KIF21B: variants seen among roughly 807,000 people sequenced by gnomAD.
KIF21B encodes kinesin-like protein KIF21B.
A neutral mutation model predicts 192.9 loss-of-function variants in KIF21B; 85 were observed. The observed-to-expected ratio is 0.44, with a 90% confidence interval of 0.37 to 0.53. The LOEUF (loss-of-function observed/expected upper bound fraction) is 0.53. Ranked by LOEUF, KIF21B falls within the 20% of genes least tolerant of loss-of-function variation. KIF21B has a pLI of 0.00. For missense variants in KIF21B, 1,716 were observed against 2,194.8 expected, an observed-to-expected ratio of 0.78 and a Z score of 4.36; for synonymous variants, 832 against 884.6, an observed-to-expected ratio of 0.94 and a Z score of 1.05.
At position 201,017,518 on chromosome 1, in the gene KIF21B, G is replaced by A. The variant is rs981998380; in HGVS notation, c.41+5825C>T. On this transcript the variant is annotated intron_variant, in intron 1 of 34. Transcript: ENST00000461742. The surrounding 1 kb of genome is among the most constrained non-coding windows in gnomAD (Gnocchi z 4.1). Reference sequence around the variant, plus strand: ...CATGACCTCCCCAGAGACAGGAGACGCTGCAGAGTCAGGCTTCGCCCAGAG... The same window carrying A: ...CATGACCTCCCCAGAGACAGGAGACACTGCAGAGTCAGGCTTCGCCCAGAG... 1.3e-5 allele frequency among the ~76,000 whole-genome samples: 2 copies of A among 152,258 alleles called. No individual in the cohort carries two copies. The highest frequency in any genetic ancestry group is 2.9e-5 in the Non-Finnish European group (2 of 68,040).
intron 15 of KIF21B, among the ~76,000 whole-genome samples, chr1:200,995,570 G>C (rs1166350631): frequency 6.6e-6 from 1 of 152,214 alleles, no homozygotes; most frequent in Non-Finnish European, 1.5e-5. Flanking sequence ...AAGTAGAAAA[G>C]GGAGGCATTG....
intron 34 of KIF21B, 39 bp from the exon 35 acceptor site, chr1:200,973,617 C>T: frequency 6.6e-7 from 1 of 1,524,080 alleles, no homozygotes; most frequent in Non-Finnish European, 8.7e-7. Flanking sequence ...CCGGTCAGCT[C>T]TTGCAGTGGG....
chr1:200,974,928 G>T lies in KIF21B; in HGVS notation c.4615-15C>A. On this transcript the variant is annotated splice_polypyrimidine_tract_variant and intron_variant, in intron 33 of 34. Coordinates refer to ENST00000461742, the MANE Select transcript of KIF21B (RefSeq NM_001252102.2). ...TTGGGGATTTGCTGTGAGAGGATCA[G>T]GGCTGGTGAGGGCTGGGGGAGGTGA... 1 of 1,611,144 alleles carries T rather than the reference G, an allele frequency of 6.2e-7. No homozygotes were observed.
At chr1:200,997,857 T>A (rs1262859995) in intron 14 of KIF21B, among the ~76,000 whole-genome samples, 1 of 152,206 alleles carries the variant, frequency 6.6e-6, no homozygotes, top group Non-Finnish European at 1.5e-5. Context: ...GCTCTTTCGT[T>A]TATGTTTGTC....
At position 200,998,476 on chromosome 1, in the gene KIF21B, G is replaced by A. The variant is rs771341010; in HGVS notation, c.1985C>T (p.Thr662Met). 9 of 1,613,952 alleles carry A rather than the reference G, an allele frequency of 5.6e-6. No individual in the cohort carries two copies. Among genetic ancestry groups the A allele is most frequent in the Admixed American group, 3.3e-5 (2 of 59,998 alleles). Residue 662 changes from threonine (T) to methionine (M), a missense_variant, in exon 14 of 35, where the codon ACG (threonine) becomes ATG (methionine). Physicochemically the swap from Thr to Met is moderately conservative, Grantham distance 81. This residue lies in a region of KIF21B where 1,087 missense variants were observed against 1,316.6 expected (regional missense o/e 0.83). Coordinates refer to ENST00000461742, the MANE Select transcript of KIF21B (RefSeq NM_001252102.2). This position sits in a 1 kb window ranked among gnomAD's most constrained non-coding sequence, Gnocchi z 4.3. ...ELENSQRRLQ[T>M]LKHQYEEKLI... ...CTTTTCCTCATACTGGTGCTTGAGC[G>A]TCTGCAACCGCCGCTGGCTGTTCTC...
intron 34 of KIF21B, 96 bp downstream of exon 34, chr1:200,974,618 G>A (rs1256974174): frequency 6.9e-5 from 91 of 1,314,576 alleles, no homozygotes; most frequent in Middle Eastern, 1.9e-4. Flanking sequence ...CCGAGCCTGC[G>A]GGGACAACTG....
Position 200,990,938 on chromosome 1 carries a change from A to G in KIF21B, c.2666T>C (p.Val889Ala), listed in dbSNP as rs1450100213. Residue 889 changes from valine to alanine, a missense_variant, in exon 18 of 35, where the codon GTC (valine) becomes GCC (alanine). By Grantham distance (64) the Val-to-Ala change is moderately conservative. Around this residue, in one of 3 missense-constraint regions of KIF21B, gnomAD observed 1,087 missense variants for 1,316.6 expected, o/e 0.83. Coordinates refer to ENST00000461742, the MANE Select transcript of KIF21B (RefSeq NM_001252102.2). The surrounding 1 kb of genome is among the most constrained non-coding windows in gnomAD (Gnocchi z 5.4). ...TTACCGGGCAGGACGGGTGCCATTG[A>G]CAGTGGGCGCAGGATGGTCCCCCAA... Reference protein sequence around the residue: ...HFLGDHPAPTVNGTRPARKKF... With the variant: ...HFLGDHPAPTANGTRPARKKF... The G allele has an allele frequency of 1.7e-5, 28 of 1,614,078 alleles. No individual in the cohort carries two copies. Among genetic ancestry groups the G allele is most frequent in the Non-Finnish European group, 2.4e-5 (28 of 1,180,034 alleles).
At chr1:201,020,069 T>C (rs1658731961) in intron 1 of KIF21B, among the ~76,000 whole-genome samples, 1 of 151,670 alleles carries the variant, frequency 6.6e-6, no homozygotes, top group Admixed American at 6.6e-5. Context: ...TACTTAACCC[T>C]GTAGTATCAA....
Position 201,023,317 on chromosome 1 carries a change from C to A in KIF21B, c.41+26G>T, listed in dbSNP as rs1381366604. 6.6e-7 allele frequency: 1 copy of A among 1,520,538 alleles called. No homozygotes were observed. The highest frequency in any genetic ancestry group is 8.8e-7 in the Non-Finnish European group (1 of 1,135,216). 94.2% of individuals were successfully genotyped at this position (1,520,538 alleles called of 1,614,324 possible). A position where few individuals can be genotyped will look rare whatever the true frequency, so the allele number is the denominator to read the frequency against. ...ACAAAGCCCGAGGCTTCTCCGCGCG[C>A]CCCCTTCCCCGCCCCGGGTCCCTAC... On this transcript the variant is annotated intron_variant, in intron 1 of 34. Transcript: ENST00000461742. This position sits in a 1 kb window ranked among gnomAD's most constrained non-coding sequence, Gnocchi z 5.9.
At chr1:201,022,932 T>C (rs1658932876) in intron 1 of KIF21B, among the ~76,000 whole-genome samples, 2 of 152,178 alleles carry the variant, frequency 1.3e-5, no homozygotes, top group Admixed American at 1.3e-4. Flanking sequence ...CAAGAGCACA[T>C]AACTAGCTGA....
chr1:200,980,149 C>A (rs1474771580), intron 29 of KIF21B, among the ~76,000 whole-genome samples: 3 of 152,236 alleles, frequency 2.0e-5, no homozygotes, highest in African/African-American at 7.2e-5. Flanking sequence ...AGCTATCCCC[C>A]TACTGCCGTG....
Position 200,982,702 on chromosome 1 carries a change from G to A in KIF21B, c.3842+354C>T, listed in dbSNP as rs1311493184. 1.3e-5 allele frequency among the ~76,000 whole-genome samples: 2 copies of A among 152,172 alleles called. No homozygotes were observed. Among genetic ancestry groups the A allele is most frequent in the African/African-American group, 4.8e-5 (2 of 41,430 alleles). ...AGGAGCAGCCTTCAGCATTTCCCCTGCCTTCCAGTCGTGGAGAACTCAGCC... is the reference window on the plus strand; with the variant it reads ...AGGAGCAGCCTTCAGCATTTCCCCTACCTTCCAGTCGTGGAGAACTCAGCC... On this transcript the variant is annotated intron_variant, in intron 28 of 34. Transcript: ENST00000461742. This position sits in a 1 kb window ranked among gnomAD's most constrained non-coding sequence, Gnocchi z 4.7.
chr1:200,984,078 G>A (rs1001381817), intron 27 of KIF21B, among the ~76,000 whole-genome samples: 5 of 152,166 alleles, frequency 3.3e-5, no homozygotes, highest in African/African-American at 1.2e-4. Flanking sequence ...GACCAGGGTG[G>A]GCCCAGCAAT....
intron 30 of KIF21B, among the ~76,000 whole-genome samples, chr1:200,978,198 C>T (rs370060454): frequency 4.6e-5 from 7 of 151,792 alleles, no homozygotes; most frequent in African/African-American, 1.2e-4. Flanking sequence ...TACAGGCATG[C>T]GCCACCATGC....
chr1:200,973,722 G>T, intron 34 of KIF21B, 144 bp from the exon 35 acceptor site: 1 of 1,483,148 alleles, frequency 6.7e-7, no homozygotes, highest in Non-Finnish European at 8.9e-7. Context: ...CTTACGGGGA[G>T]GTGGACTGCA....
intron 8 of KIF21B, 132 bp from the exon 9 acceptor site, chr1:201,002,482 G>A (rs1571951894): frequency 1.3e-6 from 1 of 743,378 alleles, no homozygotes; most frequent in East Asian, 2.6e-5. Flanking sequence ...AGTCTCCCCT[G>A]CCCCAGGTTT....
chr1:201,022,401 C>G (rs2102491023), intron 1 of KIF21B, among the ~76,000 whole-genome samples: 1 of 152,334 alleles, frequency 6.6e-6, no homozygotes, highest in East Asian at 1.9e-4. Flanking sequence ...CAGATTGGCA[C>G]TCTGCCGCCA....
At chr1:200,973,804 TTC>T in intron 34 of KIF21B, 1 of 1,432,338 alleles carries the variant, frequency 7.0e-7, no homozygotes, top group Non-Finnish European at 9.1e-7. Context: ...GTCATGGGTT[TTC>T]TTTTTTTGGG....
intron 3 of KIF21B, among the ~76,000 whole-genome samples, chr1:201,007,503 CACAG>C (rs1355899440): frequency 6.7e-6 from 1 of 150,352 alleles, no homozygotes; most frequent in African/African-American, 2.4e-5. Flanking sequence ...CAGAGACAGA[CACAG>C]ACATACACAC....
Sources: gnomAD v4.1 joint callset for allele counts (sites outside exome capture counted in the v4.1 genomes callset) on GRCh38, gnomAD v4.1.1 for gene constraint, gnomAD v4.1.1 regional missense constraint, Gnocchi (gnomAD v3.1) non-coding constraint, MANE v1.5 for transcripts, NCBI Gene and HGNC (gene_info 2026-07-23, HGNC 2026-07-21) for gene names.